KLF9: variants seen among roughly 807,000 people sequenced by gnomAD.
The protein encoded by KLF9 is KLF transcription factor 9.
KLF9 carries 2 observed loss-of-function variants against 17.3 expected under a neutral mutation model. The ratio of observed to expected loss-of-function variants is 0.12; its 90% confidence interval spans 0.05 to 0.36. KLF9 has a LOEUF of 0.36. Ranked by LOEUF, KLF9 falls within the 10% of genes least tolerant of loss-of-function variation. The pLI is 1.00. For missense variants in KLF9, 226 were observed against 333.2 expected, an observed-to-expected ratio of 0.68 and a Z score of 2.51; for synonymous variants, 138 against 139.2, an observed-to-expected ratio of 0.99 and a Z score of 0.06.
At chr9:70,408,612 C>T (rs965222494) in intron 1 of KLF9, among the ~76,000 whole-genome samples, 3 of 152,150 alleles carry the variant, frequency 2.0e-5, no homozygotes, top group African/African-American at 7.2e-5. Context: ...GGCCCCACCT[C>T]CCAGGCAATG....
At chr9:70,394,778 A>G (rs1367346701) in intron 1 of KLF9, among the ~76,000 whole-genome samples, 1 of 152,226 alleles carries the variant, frequency 6.6e-6, no homozygotes, top group African/African-American at 2.4e-5. Flanking sequence ...ACCAGTCAGA[A>G]TAAGCCTAAC....
At position 70,407,277 on chromosome 9, in the gene KLF9, G is replaced by A. The variant is rs78382474; in HGVS notation, c.505+5582C>T. Among the ~76,000 whole-genome samples the A allele has an allele frequency of 5.4e-3, 816 of 152,264 alleles. 11 individuals carry two copies. The highest frequency in any genetic ancestry group is 0.019 in the African/African-American group (775 of 41,536). On this transcript the variant is annotated intron_variant, in intron 1 of 1. Coordinates refer to ENST00000377126, the MANE Select transcript of KLF9 (RefSeq NM_001206.4). Reference sequence around the variant, plus strand: ...ACAGGAATGTAAATCTGACCCTCATGTTCAGAATCCAAGAATTCATTTCCC... The same window carrying A: ...ACAGGAATGTAAATCTGACCCTCATATTCAGAATCCAAGAATTCATTTCCC...
chr9:70,391,759 T>C (rs923977020), intron 1 of KLF9, among the ~76,000 whole-genome samples: 1 of 152,232 alleles, frequency 6.6e-6, no homozygotes, highest in African/African-American at 2.4e-5. Flanking sequence ...GAATAGCTTA[T>C]ACCATTCTTA....
intron 1 of KLF9, among the ~76,000 whole-genome samples, chr9:70,399,128 C>A (rs1428533686): frequency 6.6e-6 from 1 of 152,234 alleles, no homozygotes; most frequent in Non-Finnish European, 1.5e-5. Context: ...AGACACTGCA[C>A]CTGGCCAAGA....
At chr9:70,394,298 T>C (rs78031810) in intron 1 of KLF9, among the ~76,000 whole-genome samples, 1 of 150,300 alleles carries the variant, frequency 6.7e-6, no homozygotes, top group Non-Finnish European at 1.5e-5. Flanking sequence ...TAACAGCTCA[T>C]ACACACACAC....
chr9:70,390,116 A>G (rs938442664), intron 1 of KLF9, among the ~76,000 whole-genome samples: 1 of 152,262 alleles, frequency 6.6e-6, no homozygotes, highest in Non-Finnish European at 1.5e-5. Flanking sequence ...GTGATAATCT[A>G]TTCATGATGA....
intron 1 of KLF9, among the ~76,000 whole-genome samples, chr9:70,394,534 C>T (rs1344732734): frequency 5.3e-5 from 8 of 152,026 alleles, no homozygotes; most frequent in African/African-American, 1.5e-4. Context: ...AATGGACACC[C>T]GCTCCCATTG....
intron 1 of KLF9, among the ~76,000 whole-genome samples, chr9:70,404,925 A>G (rs2037246401): frequency 1.3e-5 from 2 of 152,118 alleles, no homozygotes; most frequent in South Asian, 4.2e-4. Context: ...AAGGACCCAA[A>G]AGCCTGTGCT....
chr9:70,400,472 G>A (rs1000266109), intron 1 of KLF9, among the ~76,000 whole-genome samples: 2 of 152,148 alleles, frequency 1.3e-5, no homozygotes, highest in Non-Finnish European at 2.9e-5. Context: ...AAGGGACCCC[G>A]AATTAGAGAG....
rs200291740 is a variant in KLF9, at chr9:70,408,140, G to A, written c.505+4719C>T. Among the ~76,000 whole-genome samples the A allele has an allele frequency of 2.8e-4, 42 of 152,262 alleles. No homozygotes were observed. In the East Asian group the frequency reaches 7.3e-3, roughly 27 times the overall value. On this transcript the variant is annotated intron_variant, in intron 1 of 1. Transcript: ENST00000377126. ...TGTAATCCCAGAACTTTGTGAGGCCGAGGTGAGCAGATCACTTGAAGTCAG... is the reference window on the plus strand; with the variant it reads ...TGTAATCCCAGAACTTTGTGAGGCCAAGGTGAGCAGATCACTTGAAGTCAG...
chr9:70,407,406 C>T (rs1055669049), intron 1 of KLF9, among the ~76,000 whole-genome samples: 1 of 152,230 alleles, frequency 6.6e-6, no homozygotes. Flanking sequence ...CTCCCTCTCT[C>T]ACCCAGGAAC....
Position 70,413,452 on chromosome 9 carries a change from AGCGCGGCGCGGCGCG to A in KLF9, c.-104_-90del, listed in dbSNP as rs935831659. 5 of 1,258,020 alleles carry A rather than the reference AGCGCGGCGCGGCGCG, an allele frequency of 4.0e-6. No homozygotes were observed. Among genetic ancestry groups the A allele is most frequent in the East Asian group, 6.4e-5 (2 of 31,338 alleles). 77.9% of individuals were successfully genotyped at this position (1,258,020 alleles called of 1,614,324 possible). ...CGCCCTGCCCTGGCCTCGGACGACG[AGCGCGGCGCGGCGCG>A]GCACGGCGCGGCGGCCAAGGGGGCG... On this transcript the variant is annotated 5_prime_UTR_variant, in exon 1 of 2. Coordinates refer to ENST00000377126, the MANE Select transcript of KLF9 (RefSeq NM_001206.4). This position sits in a 1 kb window ranked among gnomAD's most constrained non-coding sequence, Gnocchi z 5.6.
chr9:70,401,849 T>C (rs1211442106), intron 1 of KLF9, among the ~76,000 whole-genome samples: 1 of 151,426 alleles, frequency 6.6e-6, no homozygotes, highest in African/African-American at 2.4e-5. Context: ...ACCCCGTCTC[T>C]ACTAAAAGTA....
chr9:70,390,139 G>A (rs777206588), intron 1 of KLF9, among the ~76,000 whole-genome samples: 1 of 152,190 alleles, frequency 6.6e-6, no homozygotes, highest in Non-Finnish European at 1.5e-5. Context: ...GCTCTCTGCT[G>A]TTTTCTAAGC....
At chr9:70,401,891 T>C (rs1018919053) in intron 1 of KLF9, among the ~76,000 whole-genome samples, 1 of 151,510 alleles carries the variant, frequency 6.6e-6, no homozygotes, top group Admixed American at 6.6e-5. Context: ...GGCATGTCCC[T>C]GTAGTCCCAG....
chr9:70,396,669 C>T (rs2037183548), intron 1 of KLF9, among the ~76,000 whole-genome samples: 1 of 151,928 alleles, frequency 6.6e-6, no homozygotes, highest in Non-Finnish European at 1.5e-5. Flanking sequence ...AGAATATATA[C>T]AAAATTTGAA....
chr9:70,404,313 G>A (rs987510437), intron 1 of KLF9, among the ~76,000 whole-genome samples: 3 of 152,190 alleles, frequency 2.0e-5, no homozygotes, highest in Admixed American at 6.5e-5. Context: ...TTAAGTGAAT[G>A]AGATGGCTGG....
intron 1 of KLF9, among the ~76,000 whole-genome samples, chr9:70,389,385 C>T (rs920039339): frequency 6.6e-6 from 1 of 151,584 alleles, no homozygotes; most frequent in African/African-American, 2.4e-5. Flanking sequence ...GATGAGAAAA[C>T]TGAGACTTGG....
chr9:70,391,372 T>TA (rs1371469126), intron 1 of KLF9, among the ~76,000 whole-genome samples: 1 of 152,242 alleles, frequency 6.6e-6, no homozygotes, highest in African/African-American at 2.4e-5. Flanking sequence ...CTGACAGTGA[T>TA]ACTCTCTTGA....
Sources: allele counts gnomAD v4.1 joint callset (sites outside exome capture counted in the v4.1 genomes callset), GRCh38; gene constraint gnomAD v4.1.1; non-coding constraint Gnocchi (gnomAD v3.1); transcripts MANE v1.5; gene names NCBI Gene and HGNC (gene_info 2026-07-23, HGNC 2026-07-21).